Variants in TNFRSF11A observed in about 807,000 individuals in gnomAD.
The protein encoded by TNFRSF11A is tumor necrosis factor receptor superfamily member 11A.
TNFRSF11A carries 32 observed loss-of-function variants against 55.7 expected under a neutral mutation model. The observed-to-expected ratio is 0.57, with a 90% CI of 0.43 to 0.77. The LOEUF (loss-of-function observed/expected upper bound fraction) is 0.77. Among genes scored for constraint, TNFRSF11A ranks in the 30% least tolerant of loss-of-function variants. TNFRSF11A has a pLI of 0.00. For missense variants in TNFRSF11A, 753 were observed against 809.8 expected (o/e 0.93, Z 0.85); for synonymous variants, 311 against 331.0 (o/e 0.94, Z 0.65).
In TNFRSF11A at chr18:62,355,565, A is replaced by G. The variant is rs796470310; in HGVS notation, c.427+1031A>G. 2.0e-5 allele frequency among the ~76,000 whole-genome samples: 3 copies of G among 152,194 alleles called. No individual in the cohort carries two copies. In the South Asian group the frequency reaches 6.2e-4, roughly 31 times the overall value. ...GTGCTGGGCTGGGATTATAGGCATG[A>G]GCCACCACACCTAGTCAAAATCTTA... On this transcript the variant is annotated intron_variant, in intron 4 of 9. Transcript: ENST00000586569.
intron 6 of TNFRSF11A, among the ~76,000 whole-genome samples, chr18:62,360,446 C>CTTTTT (rs555339154): frequency 6.8e-6 from 1 of 147,922 alleles, no homozygotes. Flanking sequence ...TTAAATTAAT[C>CTTTTT]TTTTTTTTTT....
chr18:62,385,214 G>A lies in TNFRSF11A; in HGVS notation c.*180G>A, dbSNP rs1911631821. ...GCTTTTCAGGAAGTGAATTGATGAGGACTGTCCCCATGCCCACGGATGCTC... is the reference window on the plus strand; with the variant it reads ...GCTTTTCAGGAAGTGAATTGATGAGAACTGTCCCCATGCCCACGGATGCTC... On this transcript the variant is annotated 3_prime_UTR_variant, in exon 10 of 10. Coordinates refer to ENST00000586569, the MANE Select transcript of TNFRSF11A (RefSeq NM_003839.4). 4.4e-6 allele frequency: 3 copies of A among 682,492 alleles called. No homozygotes were observed. The highest frequency in any genetic ancestry group is 4.4e-4 in the Middle Eastern group (1 of 2,260). 42.3% of individuals were successfully genotyped at this position (682,492 alleles called of 1,614,324 possible).
intron 3 of TNFRSF11A, 82 bp from the exon 4 acceptor site, chr18:62,354,309 A>G (rs1909069093): frequency 2.1e-6 from 3 of 1,453,938 alleles, no homozygotes; most frequent in Admixed American, 4.7e-5. Flanking sequence ...TCTGGGCTGG[A>G]TGTTGGATAG....
intron 3 of TNFRSF11A, 94 bp downstream of exon 3, chr18:62,350,031 C>T (rs1402633977): frequency 7.1e-5 from 111 of 1,552,756 alleles, no homozygotes; most frequent in East Asian, 3.0e-4. Flanking sequence ...AATGATGTTT[C>T]GTTTCAGGAA....
At chr18:62,334,797 GGGT>G (rs2046205607) in intron 1 of TNFRSF11A, among the ~76,000 whole-genome samples, 1 of 152,148 alleles carries the variant, frequency 6.6e-6, no homozygotes, top group African/African-American at 2.4e-5. Context: ...CATGGCCTCT[GGGT>G]CACGGTCAGT....
At position 62,390,058 on chromosome 18, in the gene TNFRSF11A, A is replaced by G. The variant is rs1911937300; in HGVS notation, c.*5024A>G. Reference sequence around the variant, plus strand: ...GCAGTTCCTAGAAGATTCCAGTAGTAGAGATCTGACTGTCCTACACTACTT... The same window carrying G: ...GCAGTTCCTAGAAGATTCCAGTAGTGGAGATCTGACTGTCCTACACTACTT... On this transcript the variant is annotated 3_prime_UTR_variant, in exon 10 of 10. Transcript: ENST00000586569. The G allele has an allele frequency of 6.6e-6, 1 of 152,264 alleles. No individual in the cohort carries two copies. The highest frequency in any genetic ancestry group is 1.5e-5 in the Non-Finnish European group (1 of 68,062). The allele number at this position is 152,264 out of a possible 1,614,324, so 9.4% of individuals were successfully genotyped here.
chr18:62,382,515 G>A (rs1247912757), intron 9 of TNFRSF11A, among the ~76,000 whole-genome samples: 1 of 152,130 alleles, frequency 6.6e-6, no homozygotes, highest in Non-Finnish European at 1.5e-5. Flanking sequence ...TCCTTCTGGA[G>A]TTTTATTATT....
intron 1 of TNFRSF11A, among the ~76,000 whole-genome samples, chr18:62,335,967 G>A (rs146995868): frequency 2.6e-5 from 4 of 152,202 alleles, no homozygotes; most frequent in Non-Finnish European, 5.9e-5. Context: ...ATCTCTCTTG[G>A]GAGGATGCAG....
intron 1 of TNFRSF11A, among the ~76,000 whole-genome samples, chr18:62,341,606 C>A (rs1286509150): frequency 6.6e-6 from 1 of 152,198 alleles, no homozygotes; most frequent in Non-Finnish European, 1.5e-5. Context: ...TGGATACAGA[C>A]CACTGCAGTG....
intron 9 of TNFRSF11A, among the ~76,000 whole-genome samples, chr18:62,378,538 G>A (rs1286244915): frequency 2.6e-5 from 4 of 152,196 alleles, no homozygotes; most frequent in Non-Finnish European, 5.9e-5. Context: ...GTGTCCTTGG[G>A]AGTTCCGTGA....
At chr18:62,372,440 G>A (rs1201056797) in intron 9 of TNFRSF11A, among the ~76,000 whole-genome samples, 5 of 151,132 alleles carry the variant, frequency 3.3e-5, no homozygotes, top group Non-Finnish European at 4.4e-5. Flanking sequence ...CCACTCGTTA[G>A]TCTATCACTT....
At position 62,388,160 on chromosome 18, in the gene TNFRSF11A, C is replaced by T. The variant is rs1226568226; in HGVS notation, c.*3126C>T. The T allele has an allele frequency of 1.3e-5, 2 of 152,278 alleles. No individual in the cohort carries two copies. The highest frequency in any genetic ancestry group is 2.4e-5 in the African/African-American group (1 of 41,448). The allele number at this position is 152,278 out of a possible 1,614,324, so 9.4% of individuals were successfully genotyped here. ...ATGGGTTGGATCAGCTTGGGTGGTT[C>T]TTCAGGCCTGGTCCCTCCTGGCCTG... On this transcript the variant is annotated 3_prime_UTR_variant, in exon 10 of 10. Coordinates refer to ENST00000586569, the MANE Select transcript of TNFRSF11A (RefSeq NM_003839.4).
intron 1 of TNFRSF11A, among the ~76,000 whole-genome samples, chr18:62,345,673 C>A (rs2046372361): frequency 6.6e-6 from 1 of 152,140 alleles, no homozygotes; most frequent in Non-Finnish European, 1.5e-5. Flanking sequence ...GTGCTAAAAA[C>A]CACTGAACGG....
At chr18:62,367,788 C>CTTTTTTTTTTTTTTTTTTTTTTTTT (rs67721371) in intron 8 of TNFRSF11A, among the ~76,000 whole-genome samples, 4 of 78,668 alleles carry the variant, frequency 5.1e-5, no homozygotes, top group Non-Finnish European at 9.1e-5. Context: ...TCTTCTTCTT[C>CTTTTTTTTTTTTTTTTTTTTTTTTT]TTTTTTTTTT....
Position 62,325,481 on chromosome 18 carries a change from C to A in TNFRSF11A, c.75+54C>A. ...CGCGGCCCGACGCCTCCTCGGGAGC[C>A]CCGGGAAGGGCCGGGGCCGGCGGCA... On this transcript the variant is annotated intron_variant, in intron 1 of 9. Coordinates refer to ENST00000586569, the MANE Select transcript of TNFRSF11A (RefSeq NM_003839.4). The surrounding 1 kb of genome is among the most constrained non-coding windows in gnomAD (Gnocchi z 4.7). The A allele has an allele frequency of 8.5e-7, 1 of 1,172,102 alleles. No homozygotes were observed. The highest frequency in any genetic ancestry group is 2.2e-5 in the South Asian group (1 of 44,578). The allele number at this position is 1,172,102 out of a possible 1,614,324, so 72.6% of individuals were successfully genotyped here. A position where few individuals can be genotyped will look rare whatever the true frequency, so the allele number is the denominator to read the frequency against.
intron 1 of TNFRSF11A, among the ~76,000 whole-genome samples, chr18:62,344,595 G>A (rs1006384509): frequency 1.3e-5 from 2 of 152,320 alleles, no homozygotes; most frequent in East Asian, 1.9e-4. Flanking sequence ...CTACCACTTT[G>A]CAACCCTGGG....
chr18:62,381,246 T>A (rs1020911750), intron 9 of TNFRSF11A, among the ~76,000 whole-genome samples: 2 of 152,210 alleles, frequency 1.3e-5, no homozygotes, highest in African/African-American at 4.8e-5. Flanking sequence ...ATTTAGGTTA[T>A]CAGTATCAAA....
chr18:62,333,382 G>T (rs1346649728), intron 1 of TNFRSF11A, among the ~76,000 whole-genome samples: 1 of 152,192 alleles, frequency 6.6e-6, no homozygotes, highest in African/African-American at 2.4e-5. Context: ...CGCTGATTCT[G>T]ACACATGCTC....
At chr18:62,353,906 T>A (rs1398235050) in intron 3 of TNFRSF11A, among the ~76,000 whole-genome samples, 1 of 152,298 alleles carries the variant, frequency 6.6e-6, no homozygotes, top group South Asian at 2.1e-4. Flanking sequence ...ACCCTCTCCA[T>A]GCATGTAACT....
Sources: gnomAD v4.1 joint callset for allele counts (sites outside exome capture counted in the v4.1 genomes callset) on GRCh38, gnomAD v4.1.1 for gene constraint, Gnocchi (gnomAD v3.1) non-coding constraint, MANE v1.5 for transcripts, NCBI Gene and HGNC (gene_info 2026-07-23, HGNC 2026-07-21) for gene names.